Variants in BAIAP2 observed in about 807,000 individuals in gnomAD.
The protein encoded by BAIAP2 is BAR/IMD domain containing adaptor protein 2.
Under a neutral mutation model 63.0 loss-of-function variants are expected in BAIAP2, and 18 were observed. The observed-to-expected ratio is 0.29, with a 90% CI of 0.20 to 0.42. The LOEUF (loss-of-function observed/expected upper bound fraction) is 0.42. Ranked by LOEUF, BAIAP2 falls within the 10% of genes least tolerant of loss-of-function variation. The probability of loss-of-function intolerance (pLI) is 1.00; values close to 1 mark genes in which losing one functional copy is unlikely to be tolerated. For missense variants in BAIAP2, 610 were observed against 734.3 expected (o/e 0.83, Z 1.96); for synonymous variants, 386 against 307.6 (o/e 1.25, Z -2.67).
At chr17:81,047,377 A>G (rs2047965596) in intron 1 of BAIAP2, among the ~76,000 whole-genome samples, 1 of 152,080 alleles carries the variant, frequency 6.6e-6, no homozygotes, top group Non-Finnish European at 1.5e-5. Context: ...TAGGGTGATG[A>G]GGGTCTAAGG....
intron 1 of BAIAP2, chr17:81,036,943 T>G (rs776777850): frequency 1.1e-4 from 167 of 1,535,788 alleles, no homozygotes; most frequent in Non-Finnish European, 1.4e-4. Context: ...GGAACTTTCG[T>G]GGTGAGAGTT....
At chr17:81,075,936 A>T (rs1598652349) in intron 3 of BAIAP2, among the ~76,000 whole-genome samples, 1 of 145,396 alleles carries the variant, frequency 6.9e-6, no homozygotes, top group Non-Finnish European at 1.5e-5. Flanking sequence ...TCTGCTGGGA[A>T]TTTTTTTTTT....
At chr17:81,051,305 T>C (rs2048647475) in intron 1 of BAIAP2, among the ~76,000 whole-genome samples, 1 of 152,228 alleles carries the variant, frequency 6.6e-6, no homozygotes, top group African/African-American at 2.4e-5. Flanking sequence ...CCAGAGCCTC[T>C]GATGGGTCTC....
In BAIAP2 at chr17:81,115,889, A is replaced by G. The variant is rs374491824; in HGVS notation, c.*50A>G. On this transcript the variant is annotated 3_prime_UTR_variant, in exon 14 of 14. Transcript: ENST00000428708. ...TCTGGTGGCTTCCCCCGCCCTTCCCATGTAGCCTGTTCTGTCATCATCTGT... is the reference window on the plus strand; with the variant it reads ...TCTGGTGGCTTCCCCCGCCCTTCCCGTGTAGCCTGTTCTGTCATCATCTGT... The G allele has an allele frequency of 6.2e-6, 10 of 1,608,330 alleles. No homozygotes were observed. The highest frequency in any genetic ancestry group is 3.3e-5 in the Admixed American group (2 of 59,716).
At chr17:81,111,647 C>CCCGGG (rs1203834445) in intron 13 of BAIAP2, among the ~76,000 whole-genome samples, 1 of 152,246 alleles carries the variant, frequency 6.6e-6, no homozygotes, top group Non-Finnish European at 1.5e-5. Context: ...TCCAGTGGGA[C>CCCGGG]TCTGGAGTCC....
chr17:81,049,116 C>T (rs946698453), intron 1 of BAIAP2, among the ~76,000 whole-genome samples: 7 of 152,240 alleles, frequency 4.6e-5, no homozygotes, highest in Admixed American at 6.5e-5. Flanking sequence ...AGTGCGTGGT[C>T]GCCGGGGGCA....
At chr17:81,102,632 G>T (rs1009069253) in intron 7 of BAIAP2, among the ~76,000 whole-genome samples, 1 of 152,354 alleles carries the variant, frequency 6.6e-6, no homozygotes, top group African/African-American at 2.4e-5. Flanking sequence ...AGGGGTAGGG[G>T]TGGCATGGGG....
In BAIAP2 at chr17:81,061,296, T is replaced by C. The variant is rs183191232; in HGVS notation, c.217+3329T>C. 9.2e-5 allele frequency among the ~76,000 whole-genome samples: 14 copies of C among 152,336 alleles called. No homozygotes were observed. In the East Asian group the frequency reaches 2.7e-3, roughly 29 times the overall value. ...TTCATGGCTAAGGCAGACGGTGTAT[T>C]ATGATGACTGTTTGTACAACTTCAT... On this transcript the variant is annotated intron_variant, in intron 3 of 13. Transcript: ENST00000428708.
rs35895585 is a variant in BAIAP2 at position 81,086,553 on chromosome 17, T to A, written c.462T>A (p.Pro154=). 1.5e-4 allele frequency: 247 copies of A among 1,613,672 alleles called. 1 individual carries two copies. The African/African-American group carries it at 3.0e-3, about 20-fold the overall frequency. The change falls in exon 6 of 14, where the codon CCT becomes CCA. Residue 154 remains proline (P), a synonymous_variant. Transcript: ENST00000428708. ...LRKKSQGSKN[P]QKYSDKELQY... The stretch of plus-strand genomic sequence containing the variant: ...AGAAGAGCCAGGGCAGCAAGAATCC[T>A]CAGAAGTACTCGGACAAGGAGCTGC...
intron 3 of BAIAP2, among the ~76,000 whole-genome samples, chr17:81,080,065 G>A (rs772077674): frequency 2.0e-5 from 3 of 152,200 alleles, no homozygotes; most frequent in East Asian, 1.9e-4. Context: ...AGGCAACCGC[G>A]GACAAGACTT....
chr17:81,057,993 TG>T (rs1306824324), intron 3 of BAIAP2, 26 bp downstream of exon 3: 2 of 846,614 alleles, frequency 2.4e-6, no homozygotes, highest in Non-Finnish European at 3.1e-6. Flanking sequence ...CCCCCCCGCC[TG>T]GTAGTCGCCT....
At position 81,100,466 on chromosome 17, in the gene BAIAP2, GCCTCTGTGT is replaced by G. The variant is rs1043490891; in HGVS notation, c.642+391_642+399del. ...GTCCCGGTGGGACACCTGGTGGGTG[GCCTCTGTGT>G]CCTCACTTGCTCTTCCTGTGGCCCC... On this transcript the variant is annotated intron_variant, in intron 7 of 13. Coordinates refer to ENST00000428708, the MANE Select transcript of BAIAP2 (RefSeq NM_001144888.2). Among the ~76,000 whole-genome samples, 26 of 152,288 alleles carry G rather than the reference GCCTCTGTGT, an allele frequency of 1.7e-4. No homozygotes were observed. The East Asian group carries it at 4.1e-3, about 24-fold the overall frequency.
intron 12 of BAIAP2, chr17:81,108,018 G>C (rs2059389687): frequency 5.4e-6 from 1 of 184,024 alleles, no homozygotes; most frequent in Non-Finnish European, 1.1e-5. Context: ...CCAGGGGCCG[G>C]GATGGTACAT....
intron 1 of BAIAP2, among the ~76,000 whole-genome samples, chr17:81,052,948 G>A (rs1280977562): frequency 6.6e-6 from 1 of 152,206 alleles, no homozygotes; most frequent in African/African-American, 2.4e-5. Flanking sequence ...CTGGGCCCTT[G>A]CTGGCAGGGG....
chr17:81,064,014 C>T lies in BAIAP2; in HGVS notation c.217+6047C>T, dbSNP rs543398199. 3.0e-3 allele frequency among the ~76,000 whole-genome samples: 456 copies of T among 152,290 alleles called. 3 individuals carry two copies. The highest frequency in any genetic ancestry group is 0.011 in the African/African-American group (437 of 41,570). Reference sequence around the variant, plus strand: ...TTTTCAGTGATTTGGTCCTGACACCCGGCCGAGCAGGGCCCCAGCCTGTCC... The same window carrying T: ...TTTTCAGTGATTTGGTCCTGACACCTGGCCGAGCAGGGCCCCAGCCTGTCC... On this transcript the variant is annotated intron_variant, in intron 3 of 13. Coordinates refer to ENST00000428708, the MANE Select transcript of BAIAP2 (RefSeq NM_001144888.2).
At chr17:81,041,175 T>C (rs1268566904) in intron 1 of BAIAP2, among the ~76,000 whole-genome samples, 1 of 152,264 alleles carries the variant, frequency 6.6e-6, no homozygotes, top group Non-Finnish European at 1.5e-5. Flanking sequence ...GTCCTTGGGC[T>C]TCCTGCCAGG....
At chr17:81,036,753 G>T in intron 1 of BAIAP2, 7 of 930,480 alleles carry the variant, frequency 7.5e-6, no homozygotes. Context: ...CACAGAGTCT[G>T]TGGCATACGG....
chr17:81,052,321 G>T (rs960568308), intron 1 of BAIAP2, among the ~76,000 whole-genome samples: 3 of 152,252 alleles, frequency 2.0e-5, no homozygotes, highest in South Asian at 2.1e-4. Flanking sequence ...GGAGATGTTG[G>T]CTCTGTGCGA....
intron 13 of BAIAP2, 166 bp downstream of exon 13, chr17:81,108,675 C>T (rs2059479317): frequency 2.1e-6 from 2 of 945,214 alleles, no homozygotes; most frequent in Non-Finnish European, 3.2e-6. Flanking sequence ...GTCCTGCTTT[C>T]TCCGAGTGAC....
Sources: allele counts gnomAD v4.1 joint callset (sites outside exome capture counted in the v4.1 genomes callset), GRCh38; gene constraint gnomAD v4.1.1; transcripts MANE v1.5; gene names NCBI Gene and HGNC (gene_info 2026-07-23, HGNC 2026-07-21).